Variants in IDH3G observed in about 807,000 individuals in gnomAD.
IDH3G encodes the protein isocitrate dehydrogenase (NAD(+)) 3 non-catalytic subunit gamma, also known as isocitrate dehydrogenase [NAD] subunit gamma, mitochondrial.
Under a neutral mutation model 26.9 loss-of-function variants are expected in IDH3G, and 9 were observed. The ratio of observed to expected loss-of-function variants is 0.34; its 90% CI spans 0.20 to 0.58. The LOEUF (loss-of-function observed/expected upper bound fraction) is 0.58, where lower values mean the gene tolerates loss of function less well. IDH3G is among the 20% of genes least tolerant of loss of function. The pLI is 0.85. For synonymous variants in IDH3G, 181 were observed against 160.0 expected (o/e 1.13, Z -0.99); for missense variants, 250 against 372.8 (o/e 0.67, Z 2.71).
At chrX:153,786,037 G>A (rs2092085944) in intron 12 of IDH3G, 64 bp from the exon 13 acceptor site, 6 of 1,208,601 alleles carry the variant, frequency 5.0e-6, no homozygotes, top group Non-Finnish European at 6.7e-6. Flanking sequence ...CTCCTGTGAC[G>A]TGCAGGACTG....
intron 3 of IDH3G, 23 bp downstream of exon 3, chrX:153,790,541 A>C: frequency 8.3e-7 from 1 of 1,203,349 alleles, no homozygotes; most frequent in South Asian, 1.8e-5. Flanking sequence ...CCCCAAACCT[A>C]ACAGGCAGAG....
rs1214868934 is a variant in IDH3G, at chrX:153,786,663, C to T, written c.924+138G>A. 4.2e-5 allele frequency: 31 copies of T among 740,437 alleles called. 1 individual carries two copies. Among genetic ancestry groups the T allele is most frequent in the South Asian group, 7.8e-5 (3 of 38,532 alleles). 61.0% of individuals were successfully genotyped at this position (740,437 alleles called of 1,213,427 possible). ...ATGTTCTGGAATGACCTGGTGGTGACGGCAGTACAACCCTGGATATCCAAA... is the reference window on the plus strand; with the variant it reads ...ATGTTCTGGAATGACCTGGTGGTGATGGCAGTACAACCCTGGATATCCAAA... On this transcript the variant is annotated intron_variant, in intron 10 of 12. Transcript: ENST00000217901.
In IDH3G at chrX:153,786,292, G is replaced by T. The variant is rs781966491; in HGVS notation, c.1020-20C>A. On this transcript the variant is annotated intron_variant, in intron 11 of 12. Coordinates refer to ENST00000217901, the MANE Select transcript of IDH3G (RefSeq NM_004135.4). Reference sequence around the variant, plus strand: ...TGCAGCCTAGAGGATGGGACAGCCAGCCTTCAGTCCCTGGGGCCCGGAGGG... The same window carrying T: ...TGCAGCCTAGAGGATGGGACAGCCATCCTTCAGTCCCTGGGGCCCGGAGGG... 8.3e-7 allele frequency: 1 copy of T among 1,202,802 alleles called. No individual in the cohort carries two copies. Among genetic ancestry groups the T allele is most frequent in the South Asian group, 1.8e-5 (1 of 55,938 alleles).
Position 153,787,909 on chromosome X carries a change from G to A in IDH3G, c.454C>T (p.Pro152Ser), listed in dbSNP as rs782203608. 1.0e-4 allele frequency: 122 copies of A among 1,209,937 alleles called. 1 individual carries two copies. In the South Asian group the frequency reaches 2.1e-3, roughly 21 times the overall value. The change falls in exon 7 of 13, where the codon CCA (proline) becomes TCA (serine). Residue 152 changes from proline (P) to serine (S), a missense_variant. Transcript: ENST00000217901. ...YANVIHCKSLPGVVTRHKDID... is the reference protein window; with the variant it reads ...YANVIHCKSLSGVVTRHKDID... ...TCCTTGTGCCGGGTCACCACGCCTG[G>A]AAGGCTCTTACAGTGGATGACGTTG...
Position 153,790,865 on chromosome X carries a change from A to C in IDH3G, c.82-14T>G. ...GGCGCCTAGAACCTGGCAGAGACCA[A>C]ATGCCAGCGGTTGGTTTGATGTCTA... On this transcript the variant is annotated splice_polypyrimidine_tract_variant and intron_variant, in intron 1 of 12. Coordinates refer to ENST00000217901, the MANE Select transcript of IDH3G (RefSeq NM_004135.4). The C allele has an allele frequency of 8.3e-7, 1 of 1,204,871 alleles. No homozygotes were observed. The highest frequency in any genetic ancestry group is 1.1e-6 in the Non-Finnish European group (1 of 890,204).
At chrX:153,792,031 TGGG>T (rs1390629083) in intron 1 of IDH3G, among the ~76,000 whole-genome samples, 1 of 112,260 alleles carries the variant, frequency 8.9e-6, no homozygotes, top group Non-Finnish European at 1.9e-5. Context: ...TCATCTTATT[TGGG>T]GGCTCTTGTA....
chrX:153,788,761 C>T (rs189025754), intron 5 of IDH3G, among the ~76,000 whole-genome samples: 21 of 113,198 alleles, frequency 1.9e-4, no homozygotes, highest in Non-Finnish European at 1.7e-4. Flanking sequence ...GGCCCCTCTA[C>T]TTGACTGCCA....
intron 7 of IDH3G, 54 bp from the exon 8 acceptor site, chrX:153,787,651 C>A: frequency 8.5e-7 from 1 of 1,182,084 alleles, no homozygotes; most frequent in Non-Finnish European, 1.1e-6. Flanking sequence ...GCAGCACTGG[C>A]CAAACAAGCT....
chrX:153,786,455 G>A lies in IDH3G; in HGVS notation c.925-6C>T, dbSNP rs782214785. The A allele has an allele frequency of 3.6e-5, 41 of 1,154,609 alleles. No individual in the cohort carries two copies. In the Admixed American group the frequency reaches 1.0e-3, roughly 28 times the overall value. ...TTGCCGGTGTTCCTCGTAGCCTGGG[G>A]AGGCAAGACGAAGGAGAGTGGGTGG... On this transcript the variant is annotated splice_region_variant and splice_polypyrimidine_tract_variant and intron_variant, in intron 10 of 12. Coordinates refer to ENST00000217901, the MANE Select transcript of IDH3G (RefSeq NM_004135.4).
chrX:153,789,621 G>A (rs1393812555), intron 5 of IDH3G, 91 bp downstream of exon 5: 5 of 547,520 alleles, frequency 9.1e-6, no homozygotes, highest in Non-Finnish European at 1.5e-5. Context: ...AAGAAAGCAA[G>A]CAAGCGAGCA....
chrX:153,786,123 G>A, intron 12 of IDH3G, 89 bp downstream of exon 12: 1 of 1,198,017 alleles, frequency 8.3e-7, no homozygotes, highest in Non-Finnish European at 1.1e-6. Flanking sequence ...CCTCCCCTGG[G>A]GGCTGTGGTC....
At chrX:153,794,038 T>A in intron 1 of IDH3G, 1 of 405,532 alleles carries the variant, frequency 2.5e-6, no homozygotes, top group Non-Finnish European at 4.1e-6. Flanking sequence ...CGCCACCCGA[T>A]GCAGACCCCC....
chrX:153,793,679 A>T (rs1293752159), intron 1 of IDH3G: 1 of 111,949 alleles, frequency 8.9e-6, no homozygotes, highest in African/African-American at 3.3e-5. Flanking sequence ...GGACCTGAAT[A>T]CGCAAGACCG....
At position 153,786,800 on chromosome X, in the gene IDH3G, CTG is replaced by C; in HGVS notation, c.923_924del (p.Thr308SerfsTer12). On this transcript the variant is annotated frameshift_variant and splice_region_variant, in exon 10 of 13. Transcript: ENST00000217901. LOFTEE classifies it high-confidence loss of function. ...NYGHVYAVFE[T>X]ATRNTGKSIA... ...GCCGCGGCACTGCCACCGGCACTCA[CTG>C]TTTCAAACACCGCGTACACATGGCC... is the stretch of plus-strand genomic sequence containing the variant. The C allele has an allele frequency of 8.3e-7, 1 of 1,199,953 alleles. No individual in the cohort carries two copies. Among genetic ancestry groups the C allele is most frequent in the African/African-American group, 1.7e-5 (1 of 57,886 alleles).
At chrX:153,790,346 C>T in intron 3 of IDH3G, 54 bp from the exon 4 acceptor site, 1 of 1,054,783 alleles carries the variant, frequency 9.5e-7, no homozygotes, top group South Asian at 1.9e-5. Flanking sequence ...ATGCCCCCAG[C>T]TCGGCCCCCA....
chrX:153,790,106 C>G (rs1425110943), intron 4 of IDH3G, 89 bp downstream of exon 4: 7 of 761,443 alleles, frequency 9.2e-6, no homozygotes, highest in Non-Finnish European at 1.2e-5. Flanking sequence ...ATGGCCTCAC[C>G]GAGTGCTTCT....
At chrX:153,788,703 C>G (rs1417068361) in intron 5 of IDH3G, among the ~76,000 whole-genome samples, 8 of 113,159 alleles carry the variant, frequency 7.1e-5, no homozygotes, top group Admixed American at 3.7e-4. Flanking sequence ...GGTACCCCAC[C>G]CAGACTGCTC....
intron 5 of IDH3G, among the ~76,000 whole-genome samples, chrX:153,789,441 G>A (rs2092100989): frequency 8.9e-6 from 1 of 112,437 alleles, no homozygotes; most frequent in Non-Finnish European, 1.9e-5. Flanking sequence ...CTACTCGGGA[G>A]GCTGAGGCAG....
intron 5 of IDH3G, among the ~76,000 whole-genome samples, 180 bp from the exon 6 acceptor site, chrX:153,788,315 GC>G (rs782721663): frequency 1.8e-5 from 2 of 112,616 alleles, no homozygotes; most frequent in Non-Finnish European, 3.8e-5. Context: ...ATCTCGAAGG[GC>G]ACCTGGTGCA....
Sources: gnomAD v4.1 joint callset for allele counts (sites outside exome capture counted in the v4.1 genomes callset) on GRCh38, gnomAD v4.1.1 for gene constraint, MANE v1.5 for transcripts, NCBI Gene and HGNC (gene_info 2026-07-23, HGNC 2026-07-21) for gene names.